Variants in GOLGA4 observed in about 807,000 individuals in gnomAD.
GOLGA4 encodes the protein golgin subfamily A member 4.
GOLGA4 carries 169 observed loss-of-function variants against 265.9 expected under a neutral mutation model. The observed-to-expected ratio is 0.64, with a 90% CI of 0.56 to 0.72. The LOEUF is 0.72. Among genes scored for constraint, GOLGA4 ranks in the 30% least tolerant of loss-of-function variants. The probability of loss-of-function intolerance (pLI) is 0.00; values close to 1 mark genes in which losing one functional copy is unlikely to be tolerated. For synonymous variants in GOLGA4, 923 were observed against 855.8 expected (o/e 1.08, Z -1.37); for missense variants, 2,482 against 2,483.4 (o/e 1.00, Z 0.01).
intron 9 of GOLGA4, among the ~76,000 whole-genome samples, 158 bp downstream of exon 9, chr3:37,299,529 G>A (rs1010301512): frequency 5.3e-5 from 8 of 152,068 alleles, no homozygotes; most frequent in Non-Finnish European, 1.0e-4. Context: ...GTAACTACTA[G>A]CATTAGTTTT....
intron 22 of GOLGA4, among the ~76,000 whole-genome samples, chr3:37,360,906 T>C (rs1696203284): frequency 6.6e-6 from 1 of 152,186 alleles, no homozygotes; most frequent in Admixed American, 6.5e-5. Context: ...TTCATGGAAT[T>C]ATGAAAGAGA....
At chr3:37,316,632 T>TA (rs1395604741) in intron 11 of GOLGA4, among the ~76,000 whole-genome samples, 3 of 152,180 alleles carry the variant, frequency 2.0e-5, no homozygotes, top group Non-Finnish European at 4.4e-5. Context: ...TCCAACAACT[T>TA]AAAAATAATG....
At chr3:37,340,098 A>G (rs2097028223) in intron 19 of GOLGA4, 26 bp from the exon 20 acceptor site, 5 of 917,708 alleles carry the variant, frequency 5.4e-6, no homozygotes, top group African/African-American at 5.0e-5. Context: ...TGAATCTTAT[A>G]TGGTCTGATT....
At chr3:37,304,856 A>G (rs1339028702) in intron 10 of GOLGA4, among the ~76,000 whole-genome samples, 5 of 152,180 alleles carry the variant, frequency 3.3e-5, no homozygotes, top group Non-Finnish European at 7.3e-5. Context: ...TGTGATTTTC[A>G]TAAACCATAT....
chr3:37,298,920 C>T lies in GOLGA4; in HGVS notation c.902C>T (p.Thr301Ile). 1.2e-6 allele frequency: 2 copies of T among 1,613,068 alleles called. No homozygotes were observed. The highest frequency in any genetic ancestry group is 1.7e-6 in the Non-Finnish European group (2 of 1,179,150). The change falls in exon 8 of 24, where the codon ACA becomes ATA. Residue 301 changes from threonine (T) to isoleucine (I), a missense_variant. Thr to Ile is a moderately conservative substitution (Grantham distance 89). Transcript: ENST00000361924. ...QENLLKRCKE[T>I]IQSHKEQCTL... ...AACCTACTTAAGCGTTGTAAGGAAA[C>T]AATTCAGTCACATAAGGAACAATGT...
chr3:37,307,640 A>T (rs1301993494), intron 10 of GOLGA4, among the ~76,000 whole-genome samples: 4 of 152,202 alleles, frequency 2.6e-5, no homozygotes, highest in Non-Finnish European at 5.9e-5. Context: ...GCAAAAAAAA[A>T]AAAGTATGAA....
At chr3:37,362,492 G>A (rs1466259952) in intron 23 of GOLGA4, among the ~76,000 whole-genome samples, 10 of 151,190 alleles carry the variant, frequency 6.6e-5, no homozygotes, top group African/African-American at 1.9e-4. Context: ...CGCCCGCCTC[G>A]GCCTCCCAAA....
intron 12 of GOLGA4, chr3:37,319,693 C>G (rs1307683878): frequency 1.3e-5 from 2 of 152,252 alleles, no homozygotes; most frequent in Non-Finnish European, 2.9e-5. Flanking sequence ...GTTGGGATTA[C>G]AGGCGTAAGC....
At chr3:37,307,010 A>G (rs780110525) in intron 10 of GOLGA4, among the ~76,000 whole-genome samples, 16 of 152,206 alleles carry the variant, frequency 1.1e-4, no homozygotes, top group African/African-American at 3.1e-4. Context: ...CCATGCCACA[A>G]TGTTAATCCT....
At chr3:37,284,455 T>C (rs1349751522) in intron 3 of GOLGA4, among the ~76,000 whole-genome samples, 2 of 152,122 alleles carry the variant, frequency 1.3e-5, no homozygotes, top group Non-Finnish European at 1.5e-5. Flanking sequence ...GGTTTCACCA[T>C]GTTGGCCAGG....
chr3:37,282,000 G>A lies in GOLGA4; in HGVS notation c.205G>A (p.Val69Met). Residue 69 changes from valine to methionine, a missense_variant, in exon 3 of 24, where the codon GTG becomes ATG. Val to Met is a conservative substitution (Grantham distance 21). Transcript: ENST00000361924. ...QSFAQKLQLR[V>M]PSVESLFRSP... ...TTTTGCACAGAAGCTCCAGCTCCGGGTGCCCTCCGTGGAGTCTTTGTTTCG... is the reference window on the plus strand; with the variant it reads ...TTTTGCACAGAAGCTCCAGCTCCGGATGCCCTCCGTGGAGTCTTTGTTTCG... 4 of 1,614,074 alleles carry A rather than the reference G, an allele frequency of 2.5e-6. No homozygotes were observed. Among genetic ancestry groups the A allele is most frequent in the Non-Finnish European group, 3.4e-6 (4 of 1,179,948 alleles).
intron 10 of GOLGA4, among the ~76,000 whole-genome samples, chr3:37,307,427 GT>G (rs1559408121): frequency 1.3e-5 from 2 of 152,142 alleles, no homozygotes; most frequent in South Asian, 4.1e-4. Context: ...TGCTTTGTTA[GT>G]TGCTGATAAT....
intron 21 of GOLGA4, among the ~76,000 whole-genome samples, chr3:37,349,028 A>G (rs948436895): frequency 2.0e-5 from 3 of 152,134 alleles, no homozygotes; most frequent in Non-Finnish European, 2.9e-5. Context: ...ATTTGTGTTG[A>G]GGAGTAGTGC....
At chr3:37,289,098 G>A in intron 4 of GOLGA4, 137 bp from the exon 5 acceptor site, 1 of 568,226 alleles carries the variant, frequency 1.8e-6, no homozygotes, top group Non-Finnish European at 3.1e-6. Flanking sequence ...TAACATTTTA[G>A]GCTTGTCCTC....
intron 5 of GOLGA4, among the ~76,000 whole-genome samples, chr3:37,293,485 A>G (rs1470294850): frequency 6.6e-6 from 1 of 152,228 alleles, no homozygotes; most frequent in African/African-American, 2.4e-5. Flanking sequence ...ACATTCTAGA[A>G]AAAGTAATAA....
chr3:37,257,173 A>G (rs950787810), intron 2 of GOLGA4, among the ~76,000 whole-genome samples: 2 of 152,160 alleles, frequency 1.3e-5, no homozygotes, highest in African/African-American at 2.4e-5. Context: ...ATCATTCGAT[A>G]TGTTACCTTT....
intron 3 of GOLGA4, 38 bp from the exon 4 acceptor site, chr3:37,285,976 T>C: frequency 8.0e-7 from 1 of 1,246,294 alleles, no homozygotes. Flanking sequence ...ATTGCATTTA[T>C]TTAGGAATGA....
intron 2 of GOLGA4, among the ~76,000 whole-genome samples, chr3:37,255,604 T>C (rs578055684): frequency 6.6e-6 from 1 of 152,206 alleles, no homozygotes; most frequent in South Asian, 2.1e-4. Context: ...AACCTTTTTT[T>C]AACTTAATGA....
intron 3 of GOLGA4, among the ~76,000 whole-genome samples, chr3:37,285,582 A>C (rs1156562173): frequency 2.0e-5 from 3 of 152,230 alleles, no homozygotes; most frequent in African/African-American, 7.2e-5. Context: ...GCTCATTAAA[A>C]CATAGTTTCC....
Sources: gnomAD v4.1 joint callset for allele counts (sites outside exome capture counted in the v4.1 genomes callset) on GRCh38, gnomAD v4.1.1 for gene constraint, MANE v1.5 for transcripts, NCBI Gene and HGNC (gene_info 2026-07-23, HGNC 2026-07-21) for gene names.